TECRL: variants seen among roughly 807,000 people sequenced by gnomAD.
TECRL encodes the protein trans-2,3-enoyl-CoA reductase-like.
In TECRL, 63 loss-of-function variants were observed where a neutral mutation model predicts 52.8. The observed-to-expected ratio is 1.19, with a 90% confidence interval of 0.97 to 1.47. The LOEUF (loss-of-function observed/expected upper bound fraction) is 1.47, where lower values mean the gene tolerates loss of function less well. TECRL is among the 40% of genes most tolerant of loss of function. TECRL has a pLI of 0.00. For synonymous variants in TECRL, 164 were observed against 141.9 expected, an observed-to-expected ratio of 1.16 and a Z score of -1.10; for missense variants, 482 against 429.6, an observed-to-expected ratio of 1.12 and a Z score of -1.08.
chr4:64,304,638 A>C (rs1440939293), intron 7 of TECRL, among the ~76,000 whole-genome samples: 1 of 152,036 alleles, frequency 6.6e-6, no homozygotes, highest in Non-Finnish European at 1.5e-5. Flanking sequence ...TGATCAGGGC[A>C]AACTTTTTCC....
At chr4:64,307,175 T>C (rs1724388614) in intron 6 of TECRL, among the ~76,000 whole-genome samples, 1 of 152,186 alleles carries the variant, frequency 6.6e-6, no homozygotes, top group Admixed American at 6.5e-5. Context: ...GTCCATTACC[T>C]ATCAGTGAAG....
chr4:64,408,030 G>A (rs747280241), intron 1 of TECRL, among the ~76,000 whole-genome samples: 1 of 151,560 alleles, frequency 6.6e-6, no homozygotes, highest in Non-Finnish European at 1.5e-5. Context: ...AGATCTTTTA[G>A]TTCAATTCAT....
chr4:64,353,935 A>C (rs1331969386), intron 2 of TECRL, among the ~76,000 whole-genome samples: 1 of 152,186 alleles, frequency 6.6e-6, no homozygotes, highest in African/African-American at 2.4e-5. Context: ...CAAACTATAT[A>C]CTACAAATCA....
At chr4:64,358,806 T>C (rs933532026) in intron 2 of TECRL, among the ~76,000 whole-genome samples, 1 of 151,810 alleles carries the variant, frequency 6.6e-6, no homozygotes, top group Admixed American at 6.6e-5. Flanking sequence ...TGAGATACAA[T>C]ATAGCACGTC....
chr4:64,297,767 T>G (rs1038272066), intron 8 of TECRL, among the ~76,000 whole-genome samples: 4 of 151,168 alleles, frequency 2.6e-5, no homozygotes, highest in Admixed American at 2.0e-4. Context: ...ATAGCAGACC[T>G]CTTTATGTTT....
At chr4:64,320,577 C>T (rs944116474) in intron 4 of TECRL, among the ~76,000 whole-genome samples, 3 of 151,976 alleles carry the variant, frequency 2.0e-5, no homozygotes, top group African/African-American at 7.2e-5. Flanking sequence ...TTTTCTAGTA[C>T]AATTGTCAAA....
intron 1 of TECRL, among the ~76,000 whole-genome samples, chr4:64,396,530 A>T (rs2109764573): frequency 6.6e-6 from 1 of 152,086 alleles, no homozygotes. Flanking sequence ...CAATTGTTTA[A>T]GTTCCTTATA....
At chr4:64,400,033 T>C (rs570962263) in intron 1 of TECRL, among the ~76,000 whole-genome samples, 4 of 152,260 alleles carry the variant, frequency 2.6e-5, no homozygotes, top group Admixed American at 1.3e-4. Context: ...CCTGGAAAAG[T>C]TGCTGGCACT....
At chr4:64,382,553 T>C (rs930618479) in intron 1 of TECRL, among the ~76,000 whole-genome samples, 4 of 151,706 alleles carry the variant, frequency 2.6e-5, no homozygotes, top group Admixed American at 2.0e-4. Flanking sequence ...TTTTCGTTTG[T>C]ATGGAATATC....
intron 1 of TECRL, among the ~76,000 whole-genome samples, chr4:64,405,875 A>C (rs1578006626): frequency 2.0e-5 from 3 of 152,152 alleles, no homozygotes; most frequent in Non-Finnish European, 4.4e-5. Flanking sequence ...GAGGCGATTA[A>C]CAGTGGAAAA....
intron 8 of TECRL, among the ~76,000 whole-genome samples, chr4:64,292,582 A>T (rs1320611985): frequency 6.6e-6 from 1 of 152,026 alleles, no homozygotes; most frequent in Non-Finnish European, 1.5e-5. Flanking sequence ...ATATTAAATG[A>T]CTTAATCATT....
rs182210259 is a variant in TECRL, at chr4:64,377,614, G to A, written c.235-2391C>T. On this transcript the variant is annotated intron_variant, in intron 1 of 11. Coordinates refer to ENST00000381210, the MANE Select transcript of TECRL (RefSeq NM_001010874.5). ...AAAAGAAAATGAATCTTAAAATAGT[G>A]AGTAGGCAAGGCAAATGATGTTAGT... is the stretch of plus-strand genomic sequence containing the variant. Among the ~76,000 whole-genome samples, 1,004 of 152,074 alleles carry A rather than the reference G, an allele frequency of 6.6e-3. 10 individuals carry two copies. The highest frequency in any genetic ancestry group is 0.01 in the Non-Finnish European group (681 of 67,946).
chr4:64,332,106 A>G (rs138602721), intron 2 of TECRL, among the ~76,000 whole-genome samples: 127 of 152,290 alleles, frequency 8.3e-4, no homozygotes, highest in African/African-American at 3.0e-3. Flanking sequence ...GAGTCTAGCA[A>G]CTACCCTTAG....
At position 64,409,402 on chromosome 4, in the gene TECRL, T is replaced by A. The variant is rs946929427; in HGVS notation, c.-51A>T. 2.5e-6 allele frequency: 4 copies of A among 1,589,708 alleles called. No homozygotes were observed. In the East Asian group the frequency reaches 9.0e-5, roughly 36 times the overall value. On this transcript the variant is annotated 5_prime_UTR_variant, in exon 1 of 12. Transcript: ENST00000381210. The stretch of plus-strand genomic sequence containing the variant: ...CATGTCAAAAGTAGAAAATTGCAAG[T>A]GTGTTCCTTTTGCATCAGTTAAATA...
chr4:64,305,992 G>C (rs1265464807), intron 6 of TECRL, among the ~76,000 whole-genome samples: 1 of 152,056 alleles, frequency 6.6e-6, no homozygotes, highest in Non-Finnish European at 1.5e-5. Context: ...TATTCTTCTT[G>C]GTCGTGGGAC....
Position 64,280,094 on chromosome 4 carries a change from G to T in TECRL, c.1070C>A (p.Ala357Glu). The change falls in exon 12 of 12, where the codon GCA becomes GAA. Residue 357 changes from alanine to glutamate, a missense_variant. Physicochemically the swap from Ala to Glu is moderately radical, Grantham distance 107 (BLOSUM62 -1). Transcript: ENST00000381210. Reference protein sequence around the residue: ...KFNSYIHRKSAMIPFIL With the variant: ...KFNSYIHRKSEMIPFIL ...TTTTTACAATATGAATGGAATCATTGCTGATTTTCTATGAATATATGAATT... is the reference window on the plus strand; with the variant it reads ...TTTTTACAATATGAATGGAATCATTTCTGATTTTCTATGAATATATGAATT... 4 of 1,594,572 alleles carry T rather than the reference G, an allele frequency of 2.5e-6. No individual in the cohort carries two copies. The highest frequency in any genetic ancestry group is 3.4e-6 in the Non-Finnish European group (4 of 1,172,920).
intron 1 of TECRL, among the ~76,000 whole-genome samples, chr4:64,393,949 A>C (rs1403685941): frequency 6.6e-6 from 1 of 152,072 alleles, no homozygotes; most frequent in Non-Finnish European, 1.5e-5. Context: ...ATGTCTAAAT[A>C]TATGTATATA....
intron 8 of TECRL, among the ~76,000 whole-genome samples, chr4:64,297,137 A>G (rs898635547): frequency 1.3e-5 from 2 of 151,504 alleles, no homozygotes; most frequent in Non-Finnish European, 3.0e-5. Flanking sequence ...TTTTCCTTAC[A>G]ATTTATTTTG....
intron 4 of TECRL, among the ~76,000 whole-genome samples, chr4:64,320,103 G>A (rs1717795272): frequency 6.6e-6 from 1 of 151,708 alleles, no homozygotes; most frequent in African/African-American, 2.4e-5. Flanking sequence ...ATACAAAAAT[G>A]GTGAAAACTG....
Sources: gnomAD v4.1 joint callset for allele counts (sites outside exome capture counted in the v4.1 genomes callset) on GRCh38, gnomAD v4.1.1 for gene constraint, MANE v1.5 for transcripts, NCBI Gene and HGNC (gene_info 2026-07-23, HGNC 2026-07-21) for gene names.